Variants in DNER observed in about 807,000 individuals in gnomAD.
DNER encodes the protein delta and Notch-like epidermal growth factor-related receptor.
Under a neutral mutation model 78.2 loss-of-function variants are expected in DNER, and 33 were observed. The observed-to-expected ratio is 0.42, with a 90% CI of 0.32 to 0.56. The LOEUF is 0.56. Among genes scored for constraint, DNER ranks in the 20% least tolerant of loss-of-function variants. The pLI is 0.11. For synonymous variants in DNER, 417 were observed against 384.8 expected (o/e 1.08, Z -0.98); for missense variants, 918 against 975.3 (o/e 0.94, Z 0.78).
chr2:229,359,973 A>T (rs1238144396), intron 12 of DNER, among the ~76,000 whole-genome samples: 1 of 152,218 alleles, frequency 6.6e-6, no homozygotes, highest in African/African-American at 2.4e-5. Context: ...ACTTCAATAA[A>T]TACTTTCTAA....
intron 1 of DNER, among the ~76,000 whole-genome samples, chr2:229,711,208 C>G (rs915085318): frequency 6.6e-6 from 1 of 152,016 alleles, no homozygotes; most frequent in Admixed American, 6.6e-5. Context: ...CCACCAGCAC[C>G]AAAGGAGGGA....
intron 6 of DNER, among the ~76,000 whole-genome samples, chr2:229,509,771 T>C (rs2013672): frequency 0.19 from 29,399 of 152,070 alleles, 3,401 homozygotes; most frequent in African/African-American, 0.31. Flanking sequence ...GCCGAGATCA[T>C]GCCACTGCAT....
intron 6 of DNER, among the ~76,000 whole-genome samples, chr2:229,486,009 C>A (rs1193369294): frequency 6.6e-6 from 1 of 152,086 alleles, no homozygotes; most frequent in African/African-American, 2.4e-5. Flanking sequence ...GCTGATGCTA[C>A]CAAGAGAACC....
At chr2:229,508,425 A>G (rs73103783) in intron 6 of DNER, among the ~76,000 whole-genome samples, 3,051 of 152,294 alleles carry the variant, frequency 0.02, 106 homozygotes, top group African/African-American at 0.07. Context: ...GAACTCCAAC[A>G]CTATGGATGT....
At chr2:229,668,853 A>G (rs974613774) in intron 1 of DNER, among the ~76,000 whole-genome samples, 20 of 151,926 alleles carry the variant, frequency 1.3e-4, no homozygotes, top group Admixed American at 1.3e-3. Context: ...CATTTGACCC[A>G]GCAATTCCAT....
chr2:229,679,330 A>G (rs529338602), intron 1 of DNER, among the ~76,000 whole-genome samples: 7 of 152,354 alleles, frequency 4.6e-5, no homozygotes, highest in Non-Finnish European at 8.8e-5. Flanking sequence ...ATGTAAGGAA[A>G]GAAGGAGCTC....
Position 229,500,003 on chromosome 2 carries a change from C to T in DNER, c.1147+12780G>A, listed in dbSNP as rs181962458. Among the ~76,000 whole-genome samples, 75 of 151,090 alleles carry T rather than the reference C, an allele frequency of 5.0e-4. No individual in the cohort carries two copies. The East Asian group carries it at 0.011, about 21-fold the overall frequency. The stretch of plus-strand genomic sequence containing the variant: ...AGGCTGGAGTGCAGTGGCACAATCT[C>T]GGTCACTGCAACCTCCACCTCCCAG... On this transcript the variant is annotated intron_variant, in intron 6 of 12. Coordinates refer to ENST00000341772, the MANE Select transcript of DNER (RefSeq NM_139072.4).
chr2:229,500,272 C>G (rs540247755), intron 6 of DNER, among the ~76,000 whole-genome samples: 5 of 151,968 alleles, frequency 3.3e-5, no homozygotes, highest in Non-Finnish European at 5.9e-5. Context: ...AAATGGCCAA[C>G]AAGTATATGA....
intron 5 of DNER, among the ~76,000 whole-genome samples, chr2:229,517,593 G>A (rs755240788): frequency 1.8e-4 from 27 of 152,306 alleles, no homozygotes; most frequent in African/African-American, 6.0e-4. Flanking sequence ...AACCAGTGTC[G>A]CTAGAGTATA....
intron 1 of DNER, among the ~76,000 whole-genome samples, chr2:229,599,335 G>C (rs915551864): frequency 6.6e-6 from 1 of 152,200 alleles, no homozygotes; most frequent in Admixed American, 6.5e-5. Flanking sequence ...AGAGATATTA[G>C]TATTAAAGGA....
chr2:229,423,635 A>T (rs1001226023), intron 8 of DNER, among the ~76,000 whole-genome samples: 1 of 151,756 alleles, frequency 6.6e-6, no homozygotes, highest in Non-Finnish European at 1.5e-5. Flanking sequence ...AAAAAAAGAT[A>T]TACTGAGTTT....
intron 1 of DNER, among the ~76,000 whole-genome samples, chr2:229,631,140 T>A (rs1375911895): frequency 6.6e-6 from 1 of 152,234 alleles, no homozygotes; most frequent in Non-Finnish European, 1.5e-5. Flanking sequence ...TATTTTCCTT[T>A]GGGTATACAC....
At chr2:229,384,620 A>T (rs1377962570) in intron 11 of DNER, among the ~76,000 whole-genome samples, 1 of 152,206 alleles carries the variant, frequency 6.6e-6, no homozygotes, top group Admixed American at 6.5e-5. Context: ...CTATCAGAGA[A>T]TACTATAAAC....
At chr2:229,596,970 C>T (rs1227121731) in intron 1 of DNER, among the ~76,000 whole-genome samples, 2 of 151,934 alleles carry the variant, frequency 1.3e-5, no homozygotes, top group East Asian at 3.9e-4. Context: ...TATACATGCA[C>T]ACACCTGCGC....
intron 1 of DNER, among the ~76,000 whole-genome samples, chr2:229,624,058 T>C (rs1195319721): frequency 6.6e-6 from 1 of 152,216 alleles, no homozygotes; most frequent in East Asian, 1.9e-4. Flanking sequence ...CCACCCCAGC[T>C]GCTTCACAAA....
intron 6 of DNER, among the ~76,000 whole-genome samples, chr2:229,479,712 CAAAAAAA>C (rs1023070502): frequency 1.3e-5 from 1 of 79,816 alleles, no homozygotes; most frequent in Non-Finnish European, 2.7e-5. Context: ...GACTTTGTCT[CAAAAAAA>C]AAAAAAAAAA....
intron 5 of DNER, among the ~76,000 whole-genome samples, chr2:229,532,783 G>T (rs1335462702): frequency 6.6e-6 from 1 of 152,172 alleles, no homozygotes; most frequent in East Asian, 1.9e-4. Flanking sequence ...ATTTTAATTG[G>T]CTGGCTTTCA....
intron 1 of DNER, among the ~76,000 whole-genome samples, chr2:229,660,431 T>G (rs905652258): frequency 6.6e-6 from 1 of 152,200 alleles, no homozygotes; most frequent in East Asian, 1.9e-4. Flanking sequence ...GCTCCATCCA[T>G]GTCCCTGCAA....
chr2:229,364,959 T>A (rs1392574089), intron 12 of DNER, among the ~76,000 whole-genome samples: 1 of 149,302 alleles, frequency 6.7e-6, no homozygotes, highest in Non-Finnish European at 1.5e-5. Flanking sequence ...CAAGTGATTC[T>A]CCTGCCTCAG....
Sources: gnomAD v4.1 joint callset for allele counts (sites outside exome capture counted in the v4.1 genomes callset) on GRCh38, gnomAD v4.1.1 for gene constraint, MANE v1.5 for transcripts, NCBI Gene and HGNC (gene_info 2026-07-23, HGNC 2026-07-21) for gene names.